TIGD7: variants seen among roughly 807,000 people sequenced by gnomAD.
TIGD7 encodes tigger transposable element derived 7.
Under a neutral mutation model 24.8 loss-of-function variants are expected in TIGD7, and 26 were observed. That is an observed-to-expected ratio of 1.05 (90% CI 0.77 to 1.45). The LOEUF (loss-of-function observed/expected upper bound fraction) is 1.45, where lower values mean the gene tolerates loss of function less well. Ranked by LOEUF, TIGD7 falls within the 40% of genes most tolerant of loss-of-function variation. The pLI, the probability that TIGD7 is intolerant of heterozygous loss-of-function variation, is 0.00. For missense variants in TIGD7, 679 were observed against 641.6 expected, an observed-to-expected ratio of 1.06 and a Z score of -0.63; for synonymous variants, 221 against 224.1, an observed-to-expected ratio of 0.99 and a Z score of 0.12.
In TIGD7 at chr16:3,299,623, T is replaced by C; in HGVS notation, c.992A>G (p.Asn331Ser). The C allele has an allele frequency of 6.4e-7, 1 of 1,565,232 alleles. No individual in the cohort carries two copies. Among genetic ancestry groups the C allele is most frequent in the East Asian group, 2.3e-5 (1 of 44,404 alleles). The change falls in exon 2 of 2, where the codon AAT (asparagine) becomes AGT (serine). Residue 331 changes from asparagine to serine, a missense_variant. Coordinates refer to ENST00000396862, the MANE Select transcript of TIGD7 (RefSeq NM_033208.4). ...HNTSTLIQPM[N>S]QGVILSCKRL... Reference sequence around the variant, plus strand: ...TTTGCAGCTCAAGATCACACCTTGATTCATTGGTTGAATCAAGGTTGAAGT... The same window carrying C: ...TTTGCAGCTCAAGATCACACCTTGACTCATTGGTTGAATCAAGGTTGAAGT...
rs891651987 is a variant in TIGD7, at chr16:3,298,871, G to A, written c.*94C>T. 2.7e-5 allele frequency: 12 copies of A among 439,678 alleles called. No individual in the cohort carries two copies. The highest frequency in any genetic ancestry group is 4.8e-5 in the Non-Finnish European group (12 of 250,068). 27.2% of individuals were successfully genotyped at this position (439,678 alleles called of 1,614,324 possible). A position where few individuals can be genotyped will look rare whatever the true frequency, so the allele number is the denominator to read the frequency against. Reference sequence around the variant, plus strand: ...TAAATTTTATAACCATTATATAAATGGGCACTGATATACAAAATAATGTCA... The same window carrying A: ...TAAATTTTATAACCATTATATAAATAGGCACTGATATACAAAATAATGTCA... On this transcript the variant is annotated 3_prime_UTR_variant, in exon 2 of 2. Coordinates refer to ENST00000396862, the MANE Select transcript of TIGD7 (RefSeq NM_033208.4).
chr16:3,299,682 A>C lies in TIGD7; in HGVS notation c.933T>G (p.Asp311Glu), dbSNP rs1959875981. Residue 311 changes from aspartate (D) to glutamate (E), a missense_variant, in exon 2 of 2, where the codon GAT becomes GAG. Asp to Glu is a conservative substitution (Grantham distance 45, BLOSUM62 2). Coordinates refer to ENST00000396862, the MANE Select transcript of TIGD7 (RefSeq NM_033208.4). ...HPSSESLTSE[D>E]GRIKCMFFPH... ...GGAAGAACATACATTTTATTCGACC[A>C]TCCTCACTGGTTAGGGATTCAGAGG... 6.5e-7 allele frequency: 1 copy of C among 1,543,418 alleles called. No individual in the cohort carries two copies. The highest frequency in any genetic ancestry group is 1.4e-5 in the African/African-American group (1 of 72,162).
chr16:3,302,647 C>CA (rs1368420884), intron 1 of TIGD7, among the ~76,000 whole-genome samples: 14 of 151,506 alleles, frequency 9.2e-5, no homozygotes, highest in African/African-American at 3.4e-4. Flanking sequence ...AGTGATAACT[C>CA]AGACATAAAT....
At chr16:3,303,420 A>C (rs1361843351) in intron 1 of TIGD7, among the ~76,000 whole-genome samples, 1 of 152,176 alleles carries the variant, frequency 6.6e-6, no homozygotes, top group Non-Finnish European at 1.5e-5. Context: ...TCACTTATTC[A>C]ACTTAATAAA....
chr16:3,300,004 T>C lies in TIGD7; in HGVS notation c.611A>G (p.Lys204Arg), dbSNP rs1334293908. The change falls in exon 2 of 2, where the codon AAA (lysine) becomes AGA (arginine). Residue 204 changes from lysine (K) to arginine (R), a missense_variant. Lys to Arg is a conservative substitution (Grantham distance 26, BLOSUM62 2). Coordinates refer to ENST00000396862, the MANE Select transcript of TIGD7 (RefSeq NM_033208.4). ...GGCAGACAACCTTTCTTTGTTTATTTTCTTCCCTGGTAGGCAGATATCTTT... is the reference window on the plus strand; with the variant it reads ...GGCAGACAACCTTTCTTTGTTTATTCTCTTCCCTGGTAGGCAGATATCTTT... ...SRKDICLPGK[K>R]INKERLSAFL... 2 of 1,614,222 alleles carry C rather than the reference T, an allele frequency of 1.2e-6. No homozygotes were observed. The highest frequency in any genetic ancestry group is 1.7e-6 in the Non-Finnish European group (2 of 1,180,040).
rs775915121 is a variant in TIGD7, at chr16:3,299,274, C to A, written c.1341G>T (p.Lys447Asn). The A allele has an allele frequency of 6.2e-7, 1 of 1,610,556 alleles. No homozygotes were observed. Among genetic ancestry groups the A allele is most frequent in the South Asian group, 1.1e-5 (1 of 90,204 alleles). Residue 447 changes from lysine to asparagine, a missense_variant, in exon 2 of 2, where the codon AAG becomes AAT. By Grantham distance (94) the Lys-to-Asn change is moderately conservative. Coordinates refer to ENST00000396862, the MANE Select transcript of TIGD7 (RefSeq NM_033208.4). ...CACCTTTGGTTTTTAGGAGACAACCCTTTTCTTCATCTCCATTTAACCACA... is the reference window on the plus strand; with the variant it reads ...CACCTTTGGTTTTTAGGAGACAACCATTTTCTTCATCTCCATTTAACCACA... ...DRVWLNGDEEKGCLLKTKGGI... is the reference protein window; with the variant it reads ...DRVWLNGDEENGCLLKTKGGI...
Position 3,299,806 on chromosome 16 carries a change from A to G in TIGD7, c.809T>C (p.Phe270Ser). The stretch of plus-strand genomic sequence containing the variant: ...TTGAAAATGTCGGACCTCAGGAACA[A>G]AGTTTTGAAAAAACCATTCTGAAAA... ...ELFSEWFFQN[F>S]VPEVRHFQLN... Residue 270 changes from phenylalanine to serine, a missense_variant, in exon 2 of 2, where the codon TTT becomes TCT. Physicochemically the swap from Phe to Ser is radical, Grantham distance 155 (BLOSUM62 -2). Coordinates refer to ENST00000396862, the MANE Select transcript of TIGD7 (RefSeq NM_033208.4). 6.3e-7 allele frequency: 1 copy of G among 1,586,558 alleles called. No homozygotes were observed. Among genetic ancestry groups the G allele is most frequent in the South Asian group, 1.2e-5 (1 of 85,404 alleles).
rs767992847 is a variant in TIGD7, at chr16:3,299,804, C to T, written c.811G>A (p.Val271Ile). 1 of 1,584,536 alleles carries T rather than the reference C, an allele frequency of 6.3e-7. No homozygotes were observed. The highest frequency in any genetic ancestry group is 1.9e-5 in the Admixed American group (1 of 52,982). Residue 271 changes from valine to isoleucine, a missense_variant, in exon 2 of 2, where the codon GTT becomes ATT. Physicochemically the swap from Val to Ile is conservative, Grantham distance 29. Transcript: ENST00000396862. ...AGTTGAAAATGTCGGACCTCAGGAACAAAGTTTTGAAAAAACCATTCTGAA... is the reference window on the plus strand; with the variant it reads ...AGTTGAAAATGTCGGACCTCAGGAATAAAGTTTTGAAAAAACCATTCTGAA... Reference protein sequence around the residue: ...LFSEWFFQNFVPEVRHFQLNV... With the variant: ...LFSEWFFQNFIPEVRHFQLNV...
chr16:3,299,076 C>G lies in TIGD7; in HGVS notation c.1539G>C (p.Lys513Asn). ...AATGGATTTTACTCTGGAACTGTTT[C>G]TTGACTATTTCTTGTTGCATCTCTT... The part of the protein sequence containing the change: ...TLKEMQQEIV[K>N]KQFQSKIHSR... The change falls in exon 2 of 2, where the codon AAG (lysine) becomes AAC (asparagine). Residue 513 changes from lysine to asparagine, a missense_variant. Physicochemically the swap from Lys to Asn is moderately conservative, Grantham distance 94. Coordinates refer to ENST00000396862, the MANE Select transcript of TIGD7 (RefSeq NM_033208.4). 4 of 1,418,048 alleles carry G rather than the reference C, an allele frequency of 2.8e-6. No homozygotes were observed. The highest frequency in any genetic ancestry group is 3.7e-6 in the Non-Finnish European group (4 of 1,082,758). 87.8% of individuals were successfully genotyped at this position (1,418,048 alleles called of 1,614,324 possible). A position where few individuals can be genotyped will look rare whatever the true frequency, so the allele number is the denominator to read the frequency against.
chr16:3,304,446 A>G (rs1277496845), intron 1 of TIGD7, among the ~76,000 whole-genome samples: 1 of 152,162 alleles, frequency 6.6e-6, no homozygotes, highest in East Asian at 1.9e-4. Context: ...TTTATGTCCT[A>G]TTCTTACCCT....
rs1959868208 is a variant in TIGD7, at chr16:3,299,465, C to T, written c.1150G>A (p.Ala384Thr). The change falls in exon 2 of 2, where the codon GCA (alanine) becomes ACA (threonine). Residue 384 changes from alanine (A) to threonine (T), a missense_variant. Coordinates refer to ENST00000396862, the MANE Select transcript of TIGD7 (RefSeq NM_033208.4). Reference protein sequence around the residue: ...YNIKSAIFNWAKSWEEVKQIT... With the variant: ...YNIKSAIFNWTKSWEEVKQIT... Reference sequence around the variant, plus strand: ...TGTTTTACTTCTTCCCAACTTTTTGCCCAGTTAAAAATTGCACTTTTTATA... The same window carrying T: ...TGTTTTACTTCTTCCCAACTTTTTGTCCAGTTAAAAATTGCACTTTTTATA... The T allele has an allele frequency of 6.4e-7, 1 of 1,552,096 alleles. No individual in the cohort carries two copies. Among genetic ancestry groups the T allele is most frequent in the Non-Finnish European group, 8.7e-7 (1 of 1,151,328 alleles).
rs1959916924 is a variant in TIGD7, at chr16:3,300,728, G to T, written c.-114C>A. 2 of 1,458,260 alleles carry T rather than the reference G, an allele frequency of 1.4e-6. No individual in the cohort carries two copies. The highest frequency in any genetic ancestry group is 1.8e-6 in the Non-Finnish European group (2 of 1,104,326). The allele number at this position is 1,458,260 out of a possible 1,614,324, so 90.3% of individuals were successfully genotyped here. ...AAAACTTAGCTGAAAGCCCCAGAAG[G>T]CATGGGCATTGTATTGGAGGATAAT... On this transcript the variant is annotated 5_prime_UTR_variant, in exon 2 of 2. Transcript: ENST00000396862.
intron 1 of TIGD7, among the ~76,000 whole-genome samples, chr16:3,302,550 T>C (rs1413406629): frequency 6.6e-6 from 1 of 152,170 alleles, no homozygotes; most frequent in Non-Finnish European, 1.5e-5. Flanking sequence ...TACAAGAGAA[T>C]ATGGTAGTAA....
chr16:3,299,685 C>A lies in TIGD7; in HGVS notation c.930G>T (p.Glu310Asp). The change falls in exon 2 of 2, where the codon GAG becomes GAT. Residue 310 changes from glutamate (E) to aspartate (D), a missense_variant. Transcript: ENST00000396862. The stretch of plus-strand genomic sequence containing the variant: ...AGAACATACATTTTATTCGACCATC[C>A]TCACTGGTTAGGGATTCAGAGGAAG... ...AHPSSESLTS[E>D]DGRIKCMFFP... The A allele has an allele frequency of 6.5e-7, 1 of 1,541,748 alleles. No individual in the cohort carries two copies. The highest frequency in any genetic ancestry group is 8.7e-7 in the Non-Finnish European group (1 of 1,150,618).
rs1176774558 is a variant in TIGD7 at position 3,301,023 on chromosome 16, A to T, written c.-409T>A. 1 of 175,954 alleles carries T rather than the reference A, an allele frequency of 5.7e-6. No homozygotes were observed. Among genetic ancestry groups the T allele is most frequent in the Non-Finnish European group, 1.3e-5 (1 of 74,128 alleles). The allele number at this position is 175,954 out of a possible 1,614,324, so 10.9% of individuals were successfully genotyped here. A position where few individuals can be genotyped will look rare whatever the true frequency, so the allele number is the denominator to read the frequency against. ...AGGGATGGAGCAAGATGTGCCCACA[A>T]GACAGGTGTGATAAGTTTCCATAAA... On this transcript the variant is annotated 5_prime_UTR_variant, in exon 2 of 2. In the 5' UTR this introduces an upstream ATG that the reference lacks. Coordinates refer to ENST00000396862, the MANE Select transcript of TIGD7 (RefSeq NM_033208.4).
chr16:3,300,661 G>C lies in TIGD7; in HGVS notation c.-47C>G. 1 of 1,519,552 alleles carries C rather than the reference G, an allele frequency of 6.6e-7. No homozygotes were observed. The highest frequency in any genetic ancestry group is 8.8e-7 in the Non-Finnish European group (1 of 1,138,690). 94.1% of individuals were successfully genotyped at this position (1,519,552 alleles called of 1,614,324 possible). A position where few individuals can be genotyped will look rare whatever the true frequency, so the allele number is the denominator to read the frequency against. The stretch of plus-strand genomic sequence containing the variant: ...CCAACAGGAGAAAACAAAGGGAAAA[G>C]CCTTAATGAATTGGCAAAAAAAAAA... On this transcript the variant is annotated 5_prime_UTR_variant, in exon 2 of 2. Transcript: ENST00000396862.
At chr16:3,303,413 C>T (rs1208902628) in intron 1 of TIGD7, among the ~76,000 whole-genome samples, 3 of 152,224 alleles carry the variant, frequency 2.0e-5, no homozygotes, top group Admixed American at 6.5e-5. Context: ...CAGAACTTCA[C>T]TTATTCAACT....
chr16:3,300,359 T>C lies in TIGD7; in HGVS notation c.256A>G (p.Met86Val), dbSNP rs749687263. The C allele has an allele frequency of 1.9e-6, 3 of 1,614,260 alleles. No individual in the cohort carries two copies. Among genetic ancestry groups the C allele is most frequent in the Non-Finnish European group, 2.5e-6 (3 of 1,180,044 alleles). The change falls in exon 2 of 2, where the codon ATG becomes GTG. Residue 86 changes from methionine (M) to valine (V), a missense_variant. Physicochemically the swap from Met to Val is conservative, Grantham distance 21 (BLOSUM62 1). Transcript: ENST00000396862. ...KYGDVDDAVY[M>V]WYQQKRSAGV... ...GCTGAGCGTTTCTGTTGGTACCACATGTAGACCGCATCATCTACATCACCA... is the reference window on the plus strand; with the variant it reads ...GCTGAGCGTTTCTGTTGGTACCACACGTAGACCGCATCATCTACATCACCA...
chr16:3,302,984 C>T (rs1411384105), intron 1 of TIGD7, among the ~76,000 whole-genome samples: 2 of 151,872 alleles, frequency 1.3e-5, no homozygotes, highest in African/African-American at 4.8e-5. Flanking sequence ...ATTACAGGCA[C>T]GCACCACCAT....
Sources: gnomAD v4.1 joint callset for allele counts (sites outside exome capture counted in the v4.1 genomes callset) on GRCh38, gnomAD v4.1.1 for gene constraint, MANE v1.5 for transcripts, NCBI Gene and HGNC (gene_info 2026-07-23, HGNC 2026-07-21) for gene names.